The following SCAMP1 variants were observed in gnomAD, a reference collection of about 807,000 sequenced individuals.
SCAMP1 encodes the protein secretory carrier membrane protein 1, also known as secretory carrier-associated membrane protein 1.
Under a neutral mutation model 41.8 loss-of-function variants are expected in SCAMP1, and 15 were observed. That is an observed-to-expected ratio of 0.36 (90% CI 0.24 to 0.55). The LOEUF (loss-of-function observed/expected upper bound fraction) is 0.55. Among genes scored for constraint, SCAMP1 ranks in the 20% least tolerant of loss-of-function variants. The probability of loss-of-function intolerance (pLI) is 0.86; values close to 1 mark genes in which losing one functional copy is unlikely to be tolerated. For synonymous variants in SCAMP1, 135 were observed against 136.8 expected, an observed-to-expected ratio of 0.99 and a Z score of 0.09; for missense variants, 341 against 412.6, an observed-to-expected ratio of 0.83 and a Z score of 1.50.
intron 6 of SCAMP1, among the ~76,000 whole-genome samples, chr5:78,447,848 T>TCCCCCCTCCCCTC (rs1554045827): frequency 1.4e-5 from 1 of 71,868 alleles, no homozygotes; most frequent in African/African-American, 5.8e-5. Flanking sequence ...TTCTTTCCCC[T>TCCCCCCTCCCCTC]CCCTCCTCCC....
At chr5:78,439,395 T>C (rs1752857664) in intron 6 of SCAMP1, among the ~76,000 whole-genome samples, 1 of 152,240 alleles carries the variant, frequency 6.6e-6, no homozygotes, top group African/African-American at 2.4e-5. Flanking sequence ...CAGGAGCTCT[T>C]GTAAGGCAGG....
chr5:78,407,470 A>G (rs1051088772), intron 2 of SCAMP1, among the ~76,000 whole-genome samples: 1 of 129,144 alleles, frequency 7.7e-6, no homozygotes, highest in Non-Finnish European at 1.9e-5. Flanking sequence ...TTGTGTGGGA[A>G]TTATCCTTTT....
rs1306825982 is a variant in SCAMP1, at chr5:78,430,121, CAGTA to C, written c.632+8162_632+8165del. 4.2e-4 allele frequency among the ~76,000 whole-genome samples: 18 copies of C among 43,312 alleles called. 1 individual carries two copies. The highest frequency in any genetic ancestry group is 1.2e-3 in the African/African-American group (17 of 14,346). 28.4% of individuals were successfully genotyped at this position (43,312 alleles called of 152,430 possible). A position where few individuals can be genotyped will look rare whatever the true frequency, so the allele number is the denominator to read the frequency against. On this transcript the variant is annotated intron_variant, in intron 6 of 8. Transcript: ENST00000621999. ...TAAATACAGTATTTATTTATAAATA[CAGTA>C]TTTATTTATAAATACAGTATTTATT...
chr5:78,393,823 A>G (rs1751578320), intron 2 of SCAMP1, among the ~76,000 whole-genome samples: 1 of 138,086 alleles, frequency 7.2e-6, no homozygotes, highest in Non-Finnish European at 1.6e-5. Flanking sequence ...TCAATTAAGT[A>G]ACAGTTGAAA....
intron 2 of SCAMP1, among the ~76,000 whole-genome samples, chr5:78,412,459 A>G (rs1444842196): frequency 6.6e-6 from 1 of 151,834 alleles, no homozygotes; most frequent in African/African-American, 2.4e-5. Context: ...TCCTCCCCCA[A>G]TTTAAATAAT....
At chr5:78,360,959 A>C in intron 1 of SCAMP1, 2 of 522,010 alleles carry the variant, frequency 3.8e-6, no homozygotes, top group Non-Finnish European at 6.8e-6. Context: ...GCCCTTCCAC[A>C]CGTCCCCGAC....
At chr5:78,405,790 T>C (rs1203546553) in intron 2 of SCAMP1, among the ~76,000 whole-genome samples, 1 of 152,216 alleles carries the variant, frequency 6.6e-6, no homozygotes, top group Non-Finnish European at 1.5e-5. Context: ...ATTTGTTCTT[T>C]TATGTTCCTT....
At chr5:78,470,294 CA>C (rs1753855902) in intron 8 of SCAMP1, among the ~76,000 whole-genome samples, 1 of 152,096 alleles carries the variant, frequency 6.6e-6, no homozygotes, top group African/African-American at 2.4e-5. Context: ...AACTTTGCAT[CA>C]CCCCAAACAG....
In SCAMP1 at chr5:78,478,477, G is replaced by C. The variant is rs952804317; in HGVS notation, c.*2809G>C. ...AAATGACCATTTTTCTGTTGCATTA[G>C]ACCTTTACAGGTAATGGAACATGAG... is the stretch of plus-strand genomic sequence containing the variant. On this transcript the variant is annotated 3_prime_UTR_variant, in exon 9 of 9. Transcript: ENST00000621999. The C allele has an allele frequency of 6.6e-6, 1 of 152,374 alleles. No homozygotes were observed. The highest frequency in any genetic ancestry group is 1.5e-5 in the Non-Finnish European group (1 of 67,992). 9.4% of individuals were successfully genotyped at this position (152,374 alleles called of 1,614,324 possible). A position where few individuals can be genotyped will look rare whatever the true frequency, so the allele number is the denominator to read the frequency against.
intron 2 of SCAMP1, among the ~76,000 whole-genome samples, chr5:78,393,607 A>G (rs1751572443): frequency 6.6e-6 from 1 of 152,250 alleles, no homozygotes; most frequent in African/African-American, 2.4e-5. Flanking sequence ...AAATGTGGCT[A>G]GTCTGAATTG....
intron 2 of SCAMP1, among the ~76,000 whole-genome samples, chr5:78,412,544 T>A (rs1752105658): frequency 6.6e-6 from 1 of 152,192 alleles, no homozygotes. Context: ...GTGCTTTAAT[T>A]TTCATATGCA....
rs1472836076 is a variant in SCAMP1, at chr5:78,476,932, C to A, written c.*1264C>A. The A allele has an allele frequency of 1.3e-5, 2 of 152,016 alleles. No homozygotes were observed. The highest frequency in any genetic ancestry group is 6.6e-5 in the Admixed American group (1 of 15,260). 9.4% of individuals were successfully genotyped at this position (152,016 alleles called of 1,614,324 possible). ...ATTCTTATAGTATTCTTGGGTTCAA[C>A]CTTTGAATCAATTTTACCACTGATT... On this transcript the variant is annotated 3_prime_UTR_variant, in exon 9 of 9. Transcript: ENST00000621999.
intron 6 of SCAMP1, among the ~76,000 whole-genome samples, chr5:78,443,048 T>C (rs1295287045): frequency 1.3e-5 from 2 of 151,628 alleles, no homozygotes; most frequent in African/African-American, 4.8e-5. Flanking sequence ...TTACTAAAAA[T>C]ACAAAAACAA....
chr5:78,383,466 T>C (rs1751260689), intron 1 of SCAMP1, among the ~76,000 whole-genome samples: 1 of 152,200 alleles, frequency 6.6e-6, no homozygotes, highest in Non-Finnish European at 1.5e-5. Flanking sequence ...TTTTTTGTTG[T>C]TGTGTTTGCT....
intron 8 of SCAMP1, among the ~76,000 whole-genome samples, chr5:78,469,917 AAAAAAAAAAAAAAAACAAC>A (rs1432165520): frequency 0.033 from 868 of 26,352 alleles, 108 homozygotes; most frequent in East Asian, 0.11. Flanking sequence ...AAAAAACAAA[AAAAAAAAAAAAAAAACAAC>A]AACACAGCCC....
intron 1 of SCAMP1, among the ~76,000 whole-genome samples, chr5:78,373,615 G>T (rs371798413): frequency 1.3e-5 from 2 of 152,042 alleles, no homozygotes; most frequent in Non-Finnish European, 2.9e-5. Flanking sequence ...TTGGTTTCTT[G>T]CCACTGCTCT....
intron 8 of SCAMP1, among the ~76,000 whole-genome samples, chr5:78,470,181 G>A (rs1228594205): frequency 1.3e-5 from 2 of 151,998 alleles, no homozygotes; most frequent in South Asian, 4.2e-4. Flanking sequence ...GGCAAAATAT[G>A]TATAACATAA....
intron 1 of SCAMP1, among the ~76,000 whole-genome samples, chr5:78,387,960 A>G (rs1020227143): frequency 6.6e-6 from 1 of 152,242 alleles, no homozygotes; most frequent in Non-Finnish European, 1.5e-5. Flanking sequence ...CTGCAGTAGT[A>G]GGAGGAGGAT....
At chr5:78,461,745 G>A (rs1415340526) in intron 8 of SCAMP1, among the ~76,000 whole-genome samples, 2 of 152,060 alleles carry the variant, frequency 1.3e-5, no homozygotes, top group Admixed American at 6.5e-5. Flanking sequence ...TGTATTTTTA[G>A]CAGAGACGGG....
Sources: gnomAD v4.1 joint callset for allele counts (sites outside exome capture counted in the v4.1 genomes callset) on GRCh38, gnomAD v4.1.1 for gene constraint, MANE v1.5 for transcripts, NCBI Gene and HGNC (gene_info 2026-07-23, HGNC 2026-07-21) for gene names.